Variants in IFT52 observed in about 807,000 individuals in gnomAD.
IFT52 encodes the protein intraflagellar transport protein 52 homolog.
A neutral mutation model predicts 54.4 loss-of-function variants in IFT52; 44 were observed. The observed-to-expected ratio is 0.81, with a 90% CI of 0.63 to 1.04. The LOEUF (loss-of-function observed/expected upper bound fraction) is 1.04, where lower values mean the gene tolerates loss of function less well. Among genes scored for constraint, IFT52 ranks in the 50% least tolerant of loss-of-function variants. The probability of loss-of-function intolerance (pLI) is 0.00; values close to 1 mark genes in which losing one functional copy is unlikely to be tolerated. For missense variants in IFT52, 452 were observed against 523.6 expected (o/e 0.86, Z 1.33); for synonymous variants, 181 against 185.3 (o/e 0.98, Z 0.19).
Position 43,644,740 on chromosome 20 carries a change from C to T in IFT52, c.1266+2116C>T, listed in dbSNP as rs1453382561. Among the ~76,000 whole-genome samples, 2 of 56,010 alleles carry T rather than the reference C, an allele frequency of 3.6e-5. 1 individual carries two copies. Among genetic ancestry groups the T allele is most frequent in the African/African-American group, 1.0e-4 (2 of 19,122 alleles). 36.7% of individuals were successfully genotyped at this position (56,010 alleles called of 152,430 possible). A position where few individuals can be genotyped will look rare whatever the true frequency, so the allele number is the denominator to read the frequency against. On this transcript the variant is annotated intron_variant, in intron 13 of 13. Transcript: ENST00000373030. The stretch of plus-strand genomic sequence containing the variant: ...GGTTGGCAGTGAGCCAAGAACGTGC[C>T]ATTGCACTCCAGCCTGGGAGACAGA...
chr20:43,638,265 G>A (rs1261389613), intron 12 of IFT52, among the ~76,000 whole-genome samples: 1 of 151,552 alleles, frequency 6.6e-6, no homozygotes. Flanking sequence ...ATCTCAGCTC[G>A]AGGTAACCTC....
rs769671581 is a variant in IFT52 at position 43,605,013 on chromosome 20, G to A, written c.425G>A (p.Arg142Gln). Residue 142 changes from arginine to glutamine, a missense_variant, in exon 6 of 14, where the codon CGA (arginine) becomes CAA (glutamine). Physicochemically the swap from Arg to Gln is conservative, Grantham distance 43 (BLOSUM62 1). Coordinates refer to ENST00000373030, the MANE Select transcript of IFT52 (RefSeq NM_016004.5). ...TTTTCTTCTTCAAGGGAAATTAGCC[G>A]AGCTGCAGGAAAGGCTGTGCCTGGG... ...SSGVLNREIS[R>Q]AAGKAVPGII... 6 of 1,613,284 alleles carry A rather than the reference G, an allele frequency of 3.7e-6. No individual in the cohort carries two copies. Among genetic ancestry groups the A allele is most frequent in the Admixed American group, 1.7e-5 (1 of 59,884 alleles).
intron 6 of IFT52, among the ~76,000 whole-genome samples, chr20:43,608,647 A>G (rs1301855389): frequency 1.3e-5 from 2 of 152,304 alleles, no homozygotes; most frequent in South Asian, 2.1e-4. Flanking sequence ...GCTCACCCCT[A>G]TAATCCCAAC....
intron 10 of IFT52, among the ~76,000 whole-genome samples, chr20:43,628,362 C>T (rs901990070): frequency 1.3e-5 from 2 of 152,116 alleles, no homozygotes; most frequent in Admixed American, 1.3e-4. Flanking sequence ...GGTTTTGTGG[C>T]GCTGCAGTTG....
At chr20:43,594,266 C>T (rs1981756383) in intron 1 of IFT52, among the ~76,000 whole-genome samples, 1 of 152,094 alleles carries the variant, frequency 6.6e-6, no homozygotes, top group African/African-American at 2.4e-5. Flanking sequence ...CAAGATCACA[C>T]CATTGCACTC....
Position 43,635,932 on chromosome 20 carries a change from C to T in IFT52, c.930C>T (p.His310=), listed in dbSNP as rs762072579. 11 of 1,614,052 alleles carry T rather than the reference C, an allele frequency of 6.8e-6. No individual in the cohort carries two copies. In the South Asian group the frequency reaches 7.7e-5, roughly 11 times the overall value. Residue 310 remains histidine, a synonymous_variant, in exon 11 of 14, where the codon CAC becomes CAT. Coordinates refer to ENST00000373030, the MANE Select transcript of IFT52 (RefSeq NM_016004.5). Reference sequence around the variant, plus strand: ...TGTTTGATTATGAACACAGGGCTCACGAGCAGCTAAATGTGAAACATGAAC... The same window carrying T: ...TGTTTGATTATGAACACAGGGCTCATGAGCAGCTAAATGTGAAACATGAAC... ...TTSFHSVIEA[H]EQLNVKHEPL... is the part of the protein sequence containing the mutation.
chr20:43,611,364 T>C (rs1600474762), intron 6 of IFT52, among the ~76,000 whole-genome samples: 2 of 152,140 alleles, frequency 1.3e-5, no homozygotes, highest in Non-Finnish European at 1.5e-5. Context: ...GCTAATCTTA[T>C]TCATTCACAT....
At chr20:43,605,598 A>G (rs542687134) in intron 6 of IFT52, among the ~76,000 whole-genome samples, 4 of 152,070 alleles carry the variant, frequency 2.6e-5, no homozygotes, top group African/African-American at 7.2e-5. Context: ...TTTTCCATGT[A>G]TAAAGTTATA....
At chr20:43,595,039 G>A (rs545133931) in intron 2 of IFT52, among the ~76,000 whole-genome samples, 1 of 151,720 alleles carries the variant, frequency 6.6e-6, no homozygotes, top group African/African-American at 2.4e-5. Flanking sequence ...AAGACTGGCC[G>A]GCACGGTGGC....
At chr20:43,611,168 C>T (rs146524186) in intron 6 of IFT52, among the ~76,000 whole-genome samples, 39 of 152,208 alleles carry the variant, frequency 2.6e-4, no homozygotes, top group African/African-American at 8.7e-4. Flanking sequence ...GGTATCTTTG[C>T]CTGTTGGAGT....
At chr20:43,627,738 C>G (rs1002182897) in intron 10 of IFT52, among the ~76,000 whole-genome samples, 17 of 151,836 alleles carry the variant, frequency 1.1e-4, no homozygotes, top group Non-Finnish European at 2.4e-4. Flanking sequence ...TGTCTTAGCT[C>G]TTTTTCTTTT....
chr20:43,629,496 T>C (rs1985010218), intron 10 of IFT52, among the ~76,000 whole-genome samples: 1 of 152,120 alleles, frequency 6.6e-6, no homozygotes, highest in Non-Finnish European at 1.5e-5. Context: ...ATGGTCTCGA[T>C]CTCCTGACCT....
chr20:43,634,800 T>C (rs1299199390), intron 10 of IFT52, among the ~76,000 whole-genome samples: 3 of 152,070 alleles, frequency 2.0e-5, no homozygotes, highest in Non-Finnish European at 2.9e-5. Context: ...CCTCCCAACC[T>C]CCAACCTTCT....
chr20:43,603,845 A>T lies in IFT52; in HGVS notation c.293A>T (p.Asn98Ile), dbSNP rs530999984. The change falls in exon 4 of 14, where the codon AAT becomes ATT. Residue 98 changes from asparagine to isoleucine, a missense_variant. Transcript: ENST00000373030. ...GGTGGAGAATCCAGATTTGACACCA[A>T]TATTAACTTTTTACTAGAAGAATAT... ...GEGGESRFDTNINFLLEEYGI... is the reference protein window; with the variant it reads ...GEGGESRFDTIINFLLEEYGI... 1 of 1,547,226 alleles carries T rather than the reference A, an allele frequency of 6.5e-7. No individual in the cohort carries two copies. Among genetic ancestry groups the T allele is most frequent in the Non-Finnish European group, 8.9e-7 (1 of 1,122,476 alleles).
intron 13 of IFT52, among the ~76,000 whole-genome samples, chr20:43,644,774 C>CT (rs546869712): frequency 0.027 from 1,488 of 55,466 alleles, 573 homozygotes; most frequent in African/African-American, 0.072. Flanking sequence ...GAGTGAGACT[C>CT]TATCTCAAAA....
chr20:43,646,997 T>G lies in IFT52; in HGVS notation c.*14T>G. 2 of 1,610,376 alleles carry G rather than the reference T, an allele frequency of 1.2e-6. No individual in the cohort carries two copies. The highest frequency in any genetic ancestry group is 1.7e-6 in the Non-Finnish European group (2 of 1,176,814). Reference sequence around the variant, plus strand: ...AACAATTTCTGAAGACCATGCCTCTTGAAGCTTTTTCTGCCTCCTGATTCT... The same window carrying G: ...AACAATTTCTGAAGACCATGCCTCTGGAAGCTTTTTCTGCCTCCTGATTCT... On this transcript the variant is annotated 3_prime_UTR_variant, in exon 14 of 14. Coordinates refer to ENST00000373030, the MANE Select transcript of IFT52 (RefSeq NM_016004.5).
chr20:43,615,385 CT>C (rs1370776160), intron 7 of IFT52, among the ~76,000 whole-genome samples: 1 of 152,096 alleles, frequency 6.6e-6, no homozygotes, highest in Admixed American at 6.6e-5. Context: ...TTACCTTCAT[CT>C]GCCCCCTAAG....
At chr20:43,595,898 A>G (rs370822466) in intron 2 of IFT52, among the ~76,000 whole-genome samples, 1 of 150,688 alleles carries the variant, frequency 6.6e-6, no homozygotes, top group Admixed American at 6.6e-5. Context: ...AACAAAAATT[A>G]AAAAAAAAAT....
intron 3 of IFT52, 125 bp from the exon 4 acceptor site, chr20:43,603,635 C>T (rs1488259010): frequency 2.4e-6 from 2 of 824,044 alleles, no homozygotes; most frequent in Non-Finnish European, 3.8e-6. Flanking sequence ...ATCTTATATA[C>T]ATTTATATGT....
Sources: gnomAD v4.1 joint callset for allele counts (sites outside exome capture counted in the v4.1 genomes callset) on GRCh38, gnomAD v4.1.1 for gene constraint, MANE v1.5 for transcripts, NCBI Gene and HGNC (gene_info 2026-07-23, HGNC 2026-07-21) for gene names.